Variants in SKP1 observed in about 807,000 individuals in gnomAD.
SKP1 encodes the protein S-phase kinase associated protein 1, also known as S-phase kinase-associated protein 1.
In SKP1, 1 loss-of-function variant was observed where a neutral mutation model predicts 21.5. That is an observed-to-expected ratio of 0.05 (90% CI 0.02 to 0.22). The LOEUF is 0.22. SKP1 is among the 10% of genes least tolerant of loss of function. The pLI is 1.00. For missense variants in SKP1, 70 were observed against 192.0 expected, an observed-to-expected ratio of 0.36 and a Z score of 3.76; for synonymous variants, 59 against 59.3, an observed-to-expected ratio of 0.99 and a Z score of 0.03.
rs1761142885 is a variant in SKP1 at position 134,157,648 on chromosome 5, T to G, written c.*85A>C. 5.5e-6 allele frequency: 6 copies of G among 1,086,094 alleles called. No homozygotes were observed. Among genetic ancestry groups the G allele is most frequent in the Middle Eastern group, 5.7e-4 (2 of 3,508 alleles). The allele number at this position is 1,086,094 out of a possible 1,614,324, so 67.3% of individuals were successfully genotyped here. ...CTTGCTGCTGCATTTGTCTACTGTT[T>G]GTCTAATATTAACAATTATAAACAG... On this transcript the variant is annotated 3_prime_UTR_variant, in exon 6 of 6. Transcript: ENST00000353411.
At position 134,150,980 on chromosome 5, in the gene SKP1, T is replaced by C. The variant is rs946531305; in HGVS notation, c.*6753A>G. 4 of 152,212 alleles carry C rather than the reference T, an allele frequency of 2.6e-5. No individual in the cohort carries two copies. The highest frequency in any genetic ancestry group is 9.7e-5 in the African/African-American group (4 of 41,436). 9.4% of individuals were successfully genotyped at this position (152,212 alleles called of 1,614,324 possible). A position where few individuals can be genotyped will look rare whatever the true frequency, so the allele number is the denominator to read the frequency against. ...GATTTTCAAGCTCTTAAAGATAGCA[T>C]GGGATTAGGCATGTTAACTGGAAAG... On this transcript the variant is annotated 3_prime_UTR_variant, in exon 6 of 6. Transcript: ENST00000353411.
chr5:134,168,064 C>T (rs1761366799), intron 2 of SKP1, among the ~76,000 whole-genome samples: 2 of 152,134 alleles, frequency 1.3e-5, no homozygotes, highest in African/African-American at 4.8e-5. Flanking sequence ...TGGCTCCTAA[C>T]GATGGAGTCC....
chr5:134,163,156 A>G (rs1761249566), intron 3 of SKP1, among the ~76,000 whole-genome samples: 1 of 133,102 alleles, frequency 7.5e-6, no homozygotes. Context: ...CTGAGGCTGT[A>G]GTGAGCCATG....
rs552106914 is a variant in SKP1 at position 134,169,543 on chromosome 5, T to G, written c.98-2300A>C. On this transcript the variant is annotated intron_variant, in intron 2 of 5. Coordinates refer to ENST00000353411, the MANE Select transcript of SKP1 (RefSeq NM_170679.3). ...CCAGCTTGTTTAGATCCAAATGTAA[T>G]TTGGAACGAGGCTTAACTCACATTA... is the stretch of plus-strand genomic sequence containing the variant. Among the ~76,000 whole-genome samples the G allele has an allele frequency of 2.0e-5, 3 of 152,326 alleles. No homozygotes were observed. The East Asian group carries it at 5.8e-4, about 29-fold the overall frequency.
intron 3 of SKP1, among the ~76,000 whole-genome samples, chr5:134,163,589 G>A (rs1445033881): frequency 6.6e-6 from 1 of 151,360 alleles, no homozygotes; most frequent in South Asian, 2.1e-4. Flanking sequence ...CAGGAGTTCC[G>A]GACTAGCCTC....
rs1414723286 is a variant in SKP1, at chr5:134,156,170, A to G, written c.*1563T>C. On this transcript the variant is annotated 3_prime_UTR_variant, in exon 6 of 6. Coordinates refer to ENST00000353411, the MANE Select transcript of SKP1 (RefSeq NM_170679.3). Reference sequence around the variant, plus strand: ...ATAGCAGGAATTGGTAGATGAGACAATTCAGCTAGGACTATACACCGCTAC... The same window carrying G: ...ATAGCAGGAATTGGTAGATGAGACAGTTCAGCTAGGACTATACACCGCTAC... 6.6e-6 allele frequency: 1 copy of G among 152,056 alleles called. No homozygotes were observed. Among genetic ancestry groups the G allele is most frequent in the Non-Finnish European group, 1.5e-5 (1 of 68,032 alleles). 9.4% of individuals were successfully genotyped at this position (152,056 alleles called of 1,614,324 possible).
intron 1 of SKP1, among the ~76,000 whole-genome samples, chr5:134,175,808 T>C (rs1306657379): frequency 6.6e-6 from 1 of 152,236 alleles, no homozygotes; most frequent in Non-Finnish European, 1.5e-5. Context: ...TAAGTAATAA[T>C]GGATGAAATA....
intron 4 of SKP1, 135 bp downstream of exon 4, chr5:134,160,852 T>C (rs1039164439): frequency 4.8e-6 from 3 of 629,288 alleles, no homozygotes; most frequent in Admixed American, 3.1e-5. Flanking sequence ...GTTACTGATA[T>C]GTGGATTTAA....
chr5:134,164,457 T>C (rs1164525430), intron 3 of SKP1, among the ~76,000 whole-genome samples: 1 of 152,046 alleles, frequency 6.6e-6, no homozygotes, highest in Non-Finnish European at 1.5e-5. Flanking sequence ...TTATTCTCCA[T>C]AGTTTTTCCA....
intron 2 of SKP1, among the ~76,000 whole-genome samples, chr5:134,172,661 T>C (rs1353492178): frequency 6.6e-6 from 1 of 151,324 alleles, no homozygotes; most frequent in Non-Finnish European, 1.5e-5. Flanking sequence ...GGTGGGAGGA[T>C]GGCTTGAGTC....
At position 134,175,813 on chromosome 5, in the gene SKP1, G is replaced by A. The variant is rs371897809; in HGVS notation, c.-1+1042C>T. Among the ~76,000 whole-genome samples the A allele has an allele frequency of 1.2e-4, 18 of 152,282 alleles. No homozygotes were observed. The East Asian group carries it at 1.9e-3, about 16-fold the overall frequency. ...GCAAAATTTTTAAGTAATAATGGAT[G>A]AAATATTTATTTGAAATGCTTTCAA... On this transcript the variant is annotated intron_variant, in intron 1 of 5. Transcript: ENST00000353411.
chr5:134,161,259 C>CTTT, intron 3 of SKP1, 129 bp from the exon 4 acceptor site: 2 of 718,930 alleles, frequency 2.8e-6, no homozygotes, highest in East Asian at 5.6e-5. Flanking sequence ...AACAGCCAAG[C>CTTT]TTGAAAAACA....
chr5:134,164,941 G>A (rs1293862812), intron 3 of SKP1, among the ~76,000 whole-genome samples: 1 of 151,838 alleles, frequency 6.6e-6, no homozygotes, highest in Non-Finnish European at 1.5e-5. Flanking sequence ...AGATACAAAA[G>A]GACTAATATT....
At chr5:134,159,407 G>A (rs57012572) in intron 4 of SKP1, among the ~76,000 whole-genome samples, 7,214 of 152,010 alleles carry the variant, frequency 0.047, 484 homozygotes, top group African/African-American at 0.15. Flanking sequence ...TTAAGACACC[G>A]TCTCACTCTG....
chr5:134,167,412 T>C (rs942441866), intron 2 of SKP1, among the ~76,000 whole-genome samples, 169 bp from the exon 3 acceptor site: 2 of 152,194 alleles, frequency 1.3e-5, no homozygotes, highest in Non-Finnish European at 2.9e-5. Flanking sequence ...GATGGCTGTG[T>C]CTTGCACTAA....
At chr5:134,175,596 G>A (rs1761524833) in intron 1 of SKP1, 1 of 152,154 alleles carries the variant, frequency 6.6e-6, no homozygotes, top group African/African-American at 2.4e-5. Context: ...CTAAAAGCAA[G>A]ACGACCGTTT....
Position 134,155,485 on chromosome 5 carries a change from A to G in SKP1, c.*2248T>C. ...TTTCTCTTGGATCTCTATTAATGTAAAAGTTTAAGATTACTAGGATTTTTT... is the reference window on the plus strand; with the variant it reads ...TTTCTCTTGGATCTCTATTAATGTAGAAGTTTAAGATTACTAGGATTTTTT... On this transcript the variant is annotated 3_prime_UTR_variant, in exon 6 of 6. Coordinates refer to ENST00000353411, the MANE Select transcript of SKP1 (RefSeq NM_170679.3). 6.6e-6 allele frequency: 1 copy of G among 152,200 alleles called. No homozygotes were observed. The highest frequency in any genetic ancestry group is 2.4e-5 in the African/African-American group (1 of 41,448). The allele number at this position is 152,200 out of a possible 1,614,324, so 9.4% of individuals were successfully genotyped here. A position where few individuals can be genotyped will look rare whatever the true frequency, so the allele number is the denominator to read the frequency against.
chr5:134,165,868 AGAGT>A (rs1761320843), intron 3 of SKP1, among the ~76,000 whole-genome samples: 1 of 151,822 alleles, frequency 6.6e-6, no homozygotes, highest in Non-Finnish European at 1.5e-5. Flanking sequence ...CCTGGGCAAC[AGAGT>A]GAGATCAAAA....
At chr5:134,175,776 G>A (rs368870283) in intron 1 of SKP1, among the ~76,000 whole-genome samples, 1 of 152,206 alleles carries the variant, frequency 6.6e-6, no homozygotes, top group East Asian at 1.9e-4. Flanking sequence ...TAGTGTTACA[G>A]TAGAATAAAG....
Sources: gnomAD v4.1 joint callset for allele counts (sites outside exome capture counted in the v4.1 genomes callset) on GRCh38, gnomAD v4.1.1 for gene constraint, MANE v1.5 for transcripts, NCBI Gene and HGNC (gene_info 2026-07-23, HGNC 2026-07-21) for gene names.